Variants in ARHGEF26 observed in about 807,000 individuals in gnomAD.
ARHGEF26 encodes the protein Rho guanine nucleotide exchange factor 26.
Under a neutral mutation model 89.4 loss-of-function variants are expected in ARHGEF26, and 59 were observed. The ratio of observed to expected loss-of-function variants is 0.66; its 90% CI spans 0.54 to 0.82. The LOEUF is 0.82. Ranked by LOEUF, ARHGEF26 falls within the 40% of genes least tolerant of loss-of-function variation. The probability of loss-of-function intolerance (pLI) is 0.00; values close to 1 mark genes in which losing one functional copy is unlikely to be tolerated. For synonymous variants in ARHGEF26, 500 were observed against 428.4 expected (o/e 1.17, Z -2.06); for missense variants, 1,234 against 1,085.6 (o/e 1.14, Z -1.92).
At chr3:154,145,520 T>C (rs1719645255) in intron 4 of ARHGEF26, among the ~76,000 whole-genome samples, 2 of 152,218 alleles carry the variant, frequency 1.3e-5, no homozygotes, top group South Asian at 4.1e-4. Flanking sequence ...TCTTGGATTG[T>C]AAATCTAATG....
chr3:154,152,830 T>G lies in ARHGEF26; in HGVS notation c.1385T>G (p.Ile462Arg). 2 of 1,573,600 alleles carry G rather than the reference T, an allele frequency of 1.3e-6. No individual in the cohort carries two copies. Among genetic ancestry groups the G allele is most frequent in the Non-Finnish European group, 1.7e-6 (2 of 1,158,300 alleles). The part of the protein sequence containing the change: ...HSYLLSLEIL[I>R]RMFKNSKELS... ...TATTTACTCAGCTTGGAGATCTTGA[T>G]ACGAATGTTTAAAAATTCTAAAGAA... is the stretch of plus-strand genomic sequence containing the variant. Residue 462 changes from isoleucine to arginine, a missense_variant, in exon 6 of 15, where the codon ATA becomes AGA. Physicochemically the swap from Ile to Arg is moderately conservative, Grantham distance 97 (BLOSUM62 -3). Coordinates refer to ENST00000465093, the MANE Select transcript of ARHGEF26 (RefSeq NM_015595.4).
chr3:154,254,967 C>A, intron 14 of ARHGEF26, 143 bp downstream of exon 14: 1 of 716,090 alleles, frequency 1.4e-6, no homozygotes, highest in South Asian at 1.8e-5. Context: ...ACTGTCTTCT[C>A]ATCTCTAAGG....
chr3:154,246,221 A>G (rs1324478956), intron 12 of ARHGEF26, among the ~76,000 whole-genome samples: 1 of 152,174 alleles, frequency 6.6e-6, no homozygotes, highest in Non-Finnish European at 1.5e-5. Flanking sequence ...AACCCTTAGG[A>G]AAATGCAGAG....
intron 4 of ARHGEF26, among the ~76,000 whole-genome samples, chr3:154,134,880 T>C (rs996031373): frequency 6.6e-6 from 1 of 152,140 alleles, no homozygotes; most frequent in Non-Finnish European, 1.5e-5. Flanking sequence ...ATGAATAATA[T>C]TTATTGATTT....
chr3:154,237,537 G>GTC (rs1717189674), intron 11 of ARHGEF26, among the ~76,000 whole-genome samples: 1 of 41,068 alleles, frequency 2.4e-5, no homozygotes, highest in African/African-American at 1.3e-4. Flanking sequence ...GTGAGACTCC[G>GTC]TCACACACAC....
intron 4 of ARHGEF26, among the ~76,000 whole-genome samples, chr3:154,132,260 C>A (rs1041927281): frequency 2.6e-5 from 4 of 152,074 alleles, no homozygotes; most frequent in African/African-American, 9.7e-5. Context: ...TTCTGTGTAC[C>A]TATCACTCAG....
At chr3:154,198,879 AT>A (rs542696901) in intron 9 of ARHGEF26, among the ~76,000 whole-genome samples, 140 of 152,022 alleles carry the variant, frequency 9.2e-4, no homozygotes, top group Non-Finnish European at 1.4e-3. Flanking sequence ...ATTGAAATAA[AT>A]TTTTTTATAG....
intron 12 of ARHGEF26, among the ~76,000 whole-genome samples, chr3:154,242,920 G>A (rs994373400): frequency 7.2e-5 from 11 of 152,158 alleles, no homozygotes; most frequent in Admixed American, 7.2e-4. Context: ...GCTGAAAAGC[G>A]CTGATGGCAT....
At chr3:154,138,230 G>A (rs962899261) in intron 4 of ARHGEF26, among the ~76,000 whole-genome samples, 1 of 122,312 alleles carries the variant, frequency 8.2e-6, no homozygotes, top group East Asian at 2.6e-4. Flanking sequence ...ATGCACACAT[G>A]TATACATGTA....
chr3:154,180,797 AG>A (rs528016108), intron 6 of ARHGEF26, among the ~76,000 whole-genome samples: 138 of 151,982 alleles, frequency 9.1e-4, no homozygotes, highest in African/African-American at 2.9e-3. Flanking sequence ...TCTGCTGAAA[AG>A]GAAGTCTCTT....
intron 3 of ARHGEF26, among the ~76,000 whole-genome samples, chr3:154,124,914 T>C (rs1209276293): frequency 6.6e-6 from 1 of 152,002 alleles, no homozygotes; most frequent in Non-Finnish European, 1.5e-5. Context: ...ACTCTAACTC[T>C]CCTGGCTGAC....
At chr3:154,185,515 T>A (rs1576750607) in intron 6 of ARHGEF26, among the ~76,000 whole-genome samples, 1 of 152,096 alleles carries the variant, frequency 6.6e-6, no homozygotes, top group East Asian at 1.9e-4. Flanking sequence ...AACAGCCAAA[T>A]ACAAGGATTG....
At chr3:154,189,703 TG>T (rs1713830717) in intron 7 of ARHGEF26, among the ~76,000 whole-genome samples, 1 of 152,174 alleles carries the variant, frequency 6.6e-6, no homozygotes, top group Non-Finnish European at 1.5e-5. Flanking sequence ...AGAAATGCCT[TG>T]GGGCCTGAAA....
rs73010605 is a variant in ARHGEF26 at position 154,123,365 on chromosome 3, A to G, written c.1083+290A>G. 4.7e-3 allele frequency among the ~76,000 whole-genome samples: 715 copies of G among 152,218 alleles called. 4 individuals are homozygous for G. The highest frequency in any genetic ancestry group is 0.017 in the African/African-American group (689 of 41,538). Reference sequence around the variant, plus strand: ...AATATGGCAGATTATTGGCTGAGTGAGTCTTTACCACTTTTAAAAGAGATA... The same window carrying G: ...AATATGGCAGATTATTGGCTGAGTGGGTCTTTACCACTTTTAAAAGAGATA... On this transcript the variant is annotated intron_variant, in intron 2 of 14. Coordinates refer to ENST00000465093, the MANE Select transcript of ARHGEF26 (RefSeq NM_015595.4).
At chr3:154,199,350 A>G (rs995348896) in intron 9 of ARHGEF26, among the ~76,000 whole-genome samples, 2 of 152,116 alleles carry the variant, frequency 1.3e-5, no homozygotes, top group East Asian at 1.9e-4. Context: ...TTCATTTAAC[A>G]TAATGACCTC....
chr3:154,216,361 T>A (rs531408929), intron 9 of ARHGEF26, among the ~76,000 whole-genome samples: 1 of 151,954 alleles, frequency 6.6e-6, no homozygotes, highest in Non-Finnish European at 1.5e-5. Flanking sequence ...ATAATTTTGC[T>A]TTATAGATAA....
At position 154,240,360 on chromosome 3, in the gene ARHGEF26, T is replaced by C. The variant is rs1216958502; in HGVS notation, c.2091-10T>C. On this transcript the variant is annotated splice_polypyrimidine_tract_variant and intron_variant, in intron 11 of 14. Transcript: ENST00000465093. ...AATAATTGACGTGTTCTTTTCCCTT[T>C]CCTTTACAGTGAAGAAAGTTACAAC... 14 of 1,584,718 alleles carry C rather than the reference T, an allele frequency of 8.8e-6. No individual in the cohort carries two copies. The highest frequency in any genetic ancestry group is 5.2e-5 in the Admixed American group (3 of 57,866).
intron 14 of ARHGEF26, 30 bp from the exon 15 acceptor site, chr3:154,255,301 G>T (rs1718428809): frequency 6.3e-7 from 1 of 1,599,820 alleles, no homozygotes; most frequent in African/African-American, 1.3e-5. Flanking sequence ...AATACTTGTT[G>T]TTTGGTGTGG....
At chr3:154,153,054 T>C in intron 6 of ARHGEF26, 122 bp downstream of exon 6, 2 of 872,694 alleles carry the variant, frequency 2.3e-6, no homozygotes, top group Non-Finnish European at 3.3e-6. Context: ...TTTGTCTTGA[T>C]TCCTTGAAAT....
Sources: allele counts gnomAD v4.1 joint callset (sites outside exome capture counted in the v4.1 genomes callset), GRCh38; gene constraint gnomAD v4.1.1; transcripts MANE v1.5; gene names NCBI Gene and HGNC (gene_info 2026-07-23, HGNC 2026-07-21).